The following PARD3B variants were observed in gnomAD, a reference collection of about 807,000 sequenced individuals.
PARD3B encodes the protein partitioning defective 3 homolog B.
Under a neutral mutation model 130.2 loss-of-function variants are expected in PARD3B, and 103 were observed. That is an observed-to-expected ratio of 0.79 (90% CI 0.67 to 0.93). The LOEUF is 0.93. Ranked by LOEUF, PARD3B falls within the 40% of genes least tolerant of loss-of-function variation. The pLI is 0.00. For synonymous variants in PARD3B, 583 were observed against 553.2 expected (o/e 1.05, Z -0.76); for missense variants, 1,609 against 1,499.2 (o/e 1.07, Z -1.21).
chr2:204,826,490 A>C (rs901988338), intron 2 of PARD3B, among the ~76,000 whole-genome samples: 2 of 152,142 alleles, frequency 1.3e-5, no homozygotes, highest in African/African-American at 4.8e-5. Context: ...GTCTGTTTTT[A>C]TGTATCTATG....
At chr2:204,632,639 A>G (rs191108828) in intron 1 of PARD3B, among the ~76,000 whole-genome samples, 6 of 152,232 alleles carry the variant, frequency 3.9e-5, no homozygotes, top group Admixed American at 1.3e-4. Flanking sequence ...GTTGTGCCCA[A>G]GGCCCTGGTG....
chr2:205,246,057 A>T (rs1458851322), intron 16 of PARD3B, among the ~76,000 whole-genome samples: 1 of 152,232 alleles, frequency 6.6e-6, no homozygotes, highest in South Asian at 2.1e-4. Context: ...AAAAAGATAT[A>T]TAAAACCAAA....
intron 2 of PARD3B, among the ~76,000 whole-genome samples, chr2:204,889,454 G>A (rs1343005260): frequency 6.6e-6 from 1 of 152,136 alleles, no homozygotes; most frequent in African/African-American, 2.4e-5. Flanking sequence ...ATGGAATGTG[G>A]ACCCATTATT....
chr2:205,376,036 G>A (rs1409645858), intron 18 of PARD3B, among the ~76,000 whole-genome samples: 1 of 152,156 alleles, frequency 6.6e-6, no homozygotes, highest in Non-Finnish European at 1.5e-5. Context: ...AAAGTTCATT[G>A]AGTTAAAACC....
chr2:205,427,618 ATATAGT>A (rs2047187526), intron 19 of PARD3B, among the ~76,000 whole-genome samples: 1 of 152,350 alleles, frequency 6.6e-6, no homozygotes, highest in Admixed American at 6.5e-5. Context: ...AAAGAAACAA[ATATAGT>A]TATATTGCAT....
intron 2 of PARD3B, among the ~76,000 whole-genome samples, chr2:204,805,397 C>T (rs538680978): frequency 1.2e-4 from 18 of 152,116 alleles, no homozygotes; most frequent in African/African-American, 4.3e-4. Flanking sequence ...CCAATAACAA[C>T]TAATGAAATT....
chr2:205,338,772 A>G (rs1047767594), intron 18 of PARD3B, among the ~76,000 whole-genome samples: 23 of 152,210 alleles, frequency 1.5e-4, no homozygotes, highest in African/African-American at 5.5e-4. Context: ...CCAAGTAACC[A>G]GTCTTTGTTG....
chr2:204,961,339 G>A lies in PARD3B; in HGVS notation c.223-3813G>A, dbSNP rs571316249. ...GTGGTGACACTGGAGGTGGTGAGAA[G>A]TGGTCAAATAGAGTGTATGGGAGAC... On this transcript the variant is annotated intron_variant, in intron 2 of 22. Coordinates refer to ENST00000406610, the MANE Select transcript of PARD3B (RefSeq NM_001302769.2). 3.3e-5 allele frequency among the ~76,000 whole-genome samples: 5 copies of A among 152,220 alleles called. No individual in the cohort carries two copies. The South Asian group carries it at 1.0e-3, about 32-fold the overall frequency.
At chr2:205,469,234 T>C (rs1050070792) in intron 20 of PARD3B, among the ~76,000 whole-genome samples, 1 of 152,184 alleles carries the variant, frequency 6.6e-6, no homozygotes, top group Admixed American at 6.5e-5. Flanking sequence ...ACTCTACCCT[T>C]AGCTACATGA....
chr2:205,054,015 T>C (rs1420119071), intron 4 of PARD3B, among the ~76,000 whole-genome samples: 6 of 152,142 alleles, frequency 3.9e-5, no homozygotes, highest in Non-Finnish European at 8.8e-5. Flanking sequence ...CAACGATGGC[T>C]TTCATATGGC....
rs71408995 is a variant in PARD3B, at chr2:204,883,417, A to AATAT, written c.223-81723_223-81720dup. ...ATGTATATATATATTATATATATAT[A>AATAT]ATATATATATATATAAAATATATAT... On this transcript the variant is annotated intron_variant, in intron 2 of 22. Coordinates refer to ENST00000406610, the MANE Select transcript of PARD3B (RefSeq NM_001302769.2). Among the ~76,000 whole-genome samples the AATAT allele has an allele frequency of 1.5e-4, 16 of 105,906 alleles. No individual in the cohort carries two copies. The Admixed American group carries it at 1.5e-3, about 10-fold the overall frequency. The allele number at this position is 105,906 out of a possible 152,430, so 69.5% of individuals were successfully genotyped here.
chr2:204,787,025 T>C (rs1014469063), intron 2 of PARD3B, among the ~76,000 whole-genome samples: 1 of 152,136 alleles, frequency 6.6e-6, no homozygotes, highest in Non-Finnish European at 1.5e-5. Flanking sequence ...CGTACTTTTT[T>C]TGTTGTTAAC....
At chr2:204,642,509 A>C (rs1170311813) in intron 1 of PARD3B, among the ~76,000 whole-genome samples, 1 of 152,176 alleles carries the variant, frequency 6.6e-6, no homozygotes, top group African/African-American at 2.4e-5. Flanking sequence ...AATTGGTTTC[A>C]TGATGCTAGG....
chr2:204,569,774 G>C (rs1236877894), intron 1 of PARD3B, among the ~76,000 whole-genome samples: 6 of 152,194 alleles, frequency 3.9e-5, no homozygotes, highest in Non-Finnish European at 7.3e-5. Flanking sequence ...TGGAGAAGGT[G>C]ATGAGAGCAC....
At position 205,125,144 on chromosome 2, in the gene PARD3B, T is replaced by C. The variant is rs1214992724; in HGVS notation, c.1306-465T>C. ...TGACTACTGTAGCTCCAAATTAGAA[T>C]TTCCCTTAATCTATGATAATCTGGT... On this transcript the variant is annotated intron_variant, in intron 9 of 22. Coordinates refer to ENST00000406610, the MANE Select transcript of PARD3B (RefSeq NM_001302769.2). This position sits in a 1 kb window ranked among gnomAD's most constrained non-coding sequence, Gnocchi z 4.0. 6.6e-6 allele frequency among the ~76,000 whole-genome samples: 1 copy of C among 152,224 alleles called. No homozygotes were observed. The highest frequency in any genetic ancestry group is 1.5e-5 in the Non-Finnish European group (1 of 68,038).
At chr2:205,184,475 G>C (rs960231574) in intron 13 of PARD3B, among the ~76,000 whole-genome samples, 3 of 152,264 alleles carry the variant, frequency 2.0e-5, no homozygotes, top group Non-Finnish European at 4.4e-5. Context: ...CGGCGCGGTG[G>C]CTCACGCCTG....
At chr2:204,995,583 A>G (rs1694101633) in intron 3 of PARD3B, among the ~76,000 whole-genome samples, 1 of 94,596 alleles carries the variant, frequency 1.1e-5, no homozygotes. Flanking sequence ...CTCGAGGAGT[A>G]TCTTTGTGGC....
chr2:205,237,671 C>T (rs1288587955), intron 15 of PARD3B, among the ~76,000 whole-genome samples: 1 of 151,940 alleles, frequency 6.6e-6, no homozygotes, highest in Non-Finnish European at 1.5e-5. Flanking sequence ...ACGTGAAGAA[C>T]AAGAGTGTGA....
chr2:205,528,266 A>G (rs769729030), intron 21 of PARD3B, among the ~76,000 whole-genome samples: 5 of 152,154 alleles, frequency 3.3e-5, no homozygotes, highest in African/African-American at 4.8e-5. Flanking sequence ...CCTACCTGGT[A>G]CCAGCAAACA....
Sources: allele counts gnomAD v4.1 joint callset (sites outside exome capture counted in the v4.1 genomes callset), GRCh38; gene constraint gnomAD v4.1.1; non-coding constraint Gnocchi (gnomAD v3.1); transcripts MANE v1.5; gene names NCBI Gene and HGNC (gene_info 2026-07-23, HGNC 2026-07-21).